The following PLCE1 variants were observed in gnomAD, a reference collection of about 807,000 sequenced individuals.
PLCE1 encodes the protein phospholipase C epsilon 1, also known as 1-phosphatidylinositol 4,5-bisphosphate phosphodiesterase epsilon-1.
Under a neutral mutation model 242.8 loss-of-function variants are expected in PLCE1, and 119 were observed. That is an observed-to-expected ratio of 0.49 (90% CI 0.42 to 0.57). The LOEUF (loss-of-function observed/expected upper bound fraction) is 0.57, where lower values mean the gene tolerates loss of function less well. Among genes scored for constraint, PLCE1 ranks in the 20% least tolerant of loss-of-function variants. PLCE1 has a pLI of 0.00. For missense variants in PLCE1, 2,441 were observed against 2,788.8 expected (o/e 0.88, Z 2.81); for synonymous variants, 945 against 1,017.4 (o/e 0.93, Z 1.35).
At chr10:94,259,410 A>G (rs2051218143) in intron 13 of PLCE1, among the ~76,000 whole-genome samples, 1 of 151,900 alleles carries the variant, frequency 6.6e-6, no homozygotes, top group African/African-American at 2.4e-5. Flanking sequence ...CAGCCTCCTG[A>G]GTAGCTGGGA....
At chr10:94,222,121 AG>A (rs2137093172) in intron 4 of PLCE1, among the ~76,000 whole-genome samples, 1 of 152,310 alleles carries the variant, frequency 6.6e-6, no homozygotes, top group South Asian at 2.1e-4. Flanking sequence ...TGGAGGTCTA[AG>A]GGTCTGCTGG....
chr10:94,106,754 T>C (rs2045749641), intron 2 of PLCE1, among the ~76,000 whole-genome samples: 1 of 152,064 alleles, frequency 6.6e-6, no homozygotes, highest in African/African-American at 2.4e-5. Context: ...GCTTCCTTCT[T>C]AACCGTTCCA....
Position 94,142,492 on chromosome 10 carries a change from C to T in PLCE1, c.1492+10033C>T, listed in dbSNP as rs189214038. On this transcript the variant is annotated intron_variant, in intron 3 of 32. Coordinates refer to ENST00000371380, the MANE Select transcript of PLCE1 (RefSeq NM_016341.4). The stretch of plus-strand genomic sequence containing the variant: ...TATGATCCTGCCACTGCACTCTGTC[C>T]GCCTAGGTGATGGAGCGAGACTCTC... Among the ~76,000 whole-genome samples the T allele has an allele frequency of 1.6e-4, 24 of 152,206 alleles. No homozygotes were observed. In the East Asian group the frequency reaches 2.5e-3, roughly 16 times the overall value.
intron 3 of PLCE1, among the ~76,000 whole-genome samples, chr10:94,133,161 AAAT>A (rs1444112844): frequency 2.0e-5 from 3 of 152,182 alleles, no homozygotes; most frequent in Non-Finnish European, 4.4e-5. Flanking sequence ...GAGCAGAGTG[AAAT>A]ATAGATCTCC....
At chr10:94,320,905 G>C (rs2053774542) in intron 29 of PLCE1, among the ~76,000 whole-genome samples, 1 of 152,184 alleles carries the variant, frequency 6.6e-6, no homozygotes, top group Non-Finnish European at 1.5e-5. Context: ...CAATGACAGT[G>C]GGGTATTTTG....
intron 2 of PLCE1, among the ~76,000 whole-genome samples, chr10:94,064,787 G>A (rs1037583211): frequency 6.6e-6 from 1 of 152,146 alleles, no homozygotes; most frequent in Non-Finnish European, 1.5e-5. Context: ...GCTTGTTGAG[G>A]GTCAGGGAGC....
intron 2 of PLCE1, among the ~76,000 whole-genome samples, chr10:94,061,908 C>T (rs2044065772): frequency 6.6e-6 from 1 of 152,236 alleles, no homozygotes; most frequent in African/African-American, 2.4e-5. Flanking sequence ...AGACCAAAAA[C>T]TCCTGAGCCA....
chr10:94,206,061 C>T lies in PLCE1; in HGVS notation c.1810-21245C>T, dbSNP rs138390638. 4.5e-3 allele frequency among the ~76,000 whole-genome samples: 690 copies of T among 152,160 alleles called. 6 individuals are homozygous for T. Among genetic ancestry groups the T allele is most frequent in the Middle Eastern group, 0.027 (8 of 294 alleles). ...TAAGATAAATATACCCTATGATAAG[C>T]GCCAGGGAGAAAAATAAAGCAAGGC... On this transcript the variant is annotated intron_variant, in intron 4 of 32. Coordinates refer to ENST00000371380, the MANE Select transcript of PLCE1 (RefSeq NM_016341.4).
At chr10:94,228,005 T>C (rs1031652340) in intron 5 of PLCE1, among the ~76,000 whole-genome samples, 10 of 152,200 alleles carry the variant, frequency 6.6e-5, no homozygotes, top group Non-Finnish European at 4.4e-5. Context: ...CTATTCTTAT[T>C]CCCACATTAT....
At chr10:94,174,841 A>G (rs2048082519) in intron 4 of PLCE1, among the ~76,000 whole-genome samples, 1 of 152,192 alleles carries the variant, frequency 6.6e-6, no homozygotes, top group Non-Finnish European at 1.5e-5. Flanking sequence ...CTAGTGGACC[A>G]TGGACTAGAA....
chr10:94,183,175 G>C (rs1181899253), intron 4 of PLCE1, among the ~76,000 whole-genome samples: 1 of 152,172 alleles, frequency 6.6e-6, no homozygotes, highest in Non-Finnish European at 1.5e-5. Flanking sequence ...GATTTTTACT[G>C]CACATGTGAG....
intron 2 of PLCE1, among the ~76,000 whole-genome samples, chr10:94,117,790 G>T (rs1380102336): frequency 6.6e-6 from 1 of 152,130 alleles, no homozygotes; most frequent in Non-Finnish European, 1.5e-5. Flanking sequence ...AGAAAATAAT[G>T]AATGCACCCA....
intron 7 of PLCE1, among the ~76,000 whole-genome samples, chr10:94,236,569 A>G (rs1460366972): frequency 1.3e-5 from 2 of 152,192 alleles, no homozygotes; most frequent in African/African-American, 4.8e-5. Context: ...CCTAGAAATC[A>G]GTATTTTTAT....
Position 94,008,093 on chromosome 10 carries a change from G to A in PLCE1, c.-365+13835G>A, listed in dbSNP as rs74549944. Among the ~76,000 whole-genome samples, 148 of 151,076 alleles carry A rather than the reference G, an allele frequency of 9.8e-4. 1 individual carries two copies. Among genetic ancestry groups the A allele is most frequent in the African/African-American group, 3.5e-3 (143 of 41,098 alleles). The stretch of plus-strand genomic sequence containing the variant: ...TATAGTCCTACCTACACGAGAGGCT[G>A]AGGTAGGAGGATTGCTTGAGCCTGG... On this transcript the variant is annotated intron_variant, in intron 1 of 32. Transcript: ENST00000371380.
chr10:94,292,429 A>G (rs1188062131), intron 22 of PLCE1, among the ~76,000 whole-genome samples: 1 of 152,224 alleles, frequency 6.6e-6, no homozygotes, highest in Admixed American at 6.5e-5. Flanking sequence ...TGATACAAAT[A>G]TTCCAAAATC....
intron 2 of PLCE1, among the ~76,000 whole-genome samples, chr10:94,067,532 A>G (rs2044233438): frequency 6.6e-6 from 1 of 152,204 alleles, no homozygotes; most frequent in South Asian, 2.1e-4. Context: ...TGGCACATCA[A>G]ACTGGACAAT....
rs116352682 is a variant in PLCE1, at chr10:94,235,536, T to C, written c.2215-379T>C. The stretch of plus-strand genomic sequence containing the variant: ...GTGTTTTGCTTGGGCCCAGTCATTT[T>C]TTCTGGTTCCATAGAATAGCATACT... On this transcript the variant is annotated intron_variant, in intron 6 of 32. Transcript: ENST00000371380. Among the ~76,000 whole-genome samples, 1,406 of 152,336 alleles carry C rather than the reference T, an allele frequency of 9.2e-3. 17 individuals are homozygous for C. Among genetic ancestry groups the C allele is most frequent in the African/African-American group, 0.032 (1,312 of 41,580 alleles).
chr10:94,282,353 C>A (rs2052266978), intron 20 of PLCE1, among the ~76,000 whole-genome samples: 1 of 151,972 alleles, frequency 6.6e-6, no homozygotes, highest in African/African-American at 2.4e-5. Flanking sequence ...GTAATAAATT[C>A]TTAATATTTT....
At position 94,283,809 on chromosome 10, in the gene PLCE1, A is replaced by T; in HGVS notation, c.4815A>T (p.Arg1605Ser). 6.2e-7 allele frequency: 1 copy of T among 1,612,026 alleles called. No homozygotes were observed. The highest frequency in any genetic ancestry group is 1.7e-5 in the Admixed American group (1 of 59,948). Reference protein sequence around the residue: ...SLSDDNILEDRPENKSCNDKL... With the variant: ...SLSDDNILEDSPENKSCNDKL... ...TTTCAGACAACATTCTGGAAGACAG[A>T]CCTGAAAATAAATCATGTAATGACA... The change falls in exon 21 of 33, where the codon AGA becomes AGT. Residue 1605 changes from arginine to serine, a missense_variant. Around this residue, in one of 5 missense-constraint regions of PLCE1, gnomAD observed 1,004 missense variants for 1,322.7 expected, o/e 0.76. Transcript: ENST00000371380.
Sources: allele counts gnomAD v4.1 joint callset (sites outside exome capture counted in the v4.1 genomes callset), GRCh38; gene constraint gnomAD v4.1.1; regional missense constraint gnomAD v4.1.1; transcripts MANE v1.5; gene names NCBI Gene and HGNC (gene_info 2026-07-23, HGNC 2026-07-21).